The following APBB2 variants were observed in gnomAD, a reference collection of about 807,000 sequenced individuals.
APBB2 encodes the protein amyloid beta precursor protein binding family B member 2.
In APBB2, 38 loss-of-function variants were observed where a neutral mutation model predicts 82.5. That is an observed-to-expected ratio of 0.46 (90% CI 0.36 to 0.60). APBB2 has a LOEUF of 0.60. APBB2 is among the 20% of genes least tolerant of loss of function. The pLI is 0.00. For synonymous variants in APBB2, 341 were observed against 368.2 expected (o/e 0.93, Z 0.85); for missense variants, 772 against 972.3 (o/e 0.79, Z 2.74).
At chr4:40,893,641 G>A (rs1408797551) in intron 10 of APBB2, among the ~76,000 whole-genome samples, 1 of 152,104 alleles carries the variant, frequency 6.6e-6, no homozygotes, top group Non-Finnish European at 1.5e-5. Context: ...TTTGCCTGAT[G>A]TGTTCAGATT....
chr4:40,965,051 T>C (rs1794322815), intron 6 of APBB2, among the ~76,000 whole-genome samples: 1 of 149,752 alleles, frequency 6.7e-6, no homozygotes, highest in Non-Finnish European at 1.5e-5. Flanking sequence ...ACTCGGGAGG[T>C]GGAGGTTGCA....
chr4:41,138,475 A>G (rs749223613), intron 2 of APBB2, among the ~76,000 whole-genome samples: 39 of 151,018 alleles, frequency 2.6e-4, no homozygotes, highest in Non-Finnish European at 4.7e-4. Flanking sequence ...TGCAAATCAT[A>G]TATCCAATAA....
At chr4:41,056,187 AT>A (rs1560631869) in intron 4 of APBB2, among the ~76,000 whole-genome samples, 1 of 152,104 alleles carries the variant, frequency 6.6e-6, no homozygotes. Context: ...TCTCAAAAAA[AT>A]AAATAAATAA....
At chr4:41,050,507 A>G (rs957911083) in intron 4 of APBB2, among the ~76,000 whole-genome samples, 1 of 152,236 alleles carries the variant, frequency 6.6e-6, no homozygotes, top group Non-Finnish European at 1.5e-5. Flanking sequence ...GGACAGGGGT[A>G]GCCAAGACTT....
intron 12 of APBB2, among the ~76,000 whole-genome samples, chr4:40,851,736 ATATTTTTT>A (rs1360648159): frequency 4.1e-4 from 34 of 82,824 alleles, no homozygotes; most frequent in South Asian, 1.1e-3. Flanking sequence ...ATATATATAT[ATATTTTTT>A]TTTTTTTTTT....
At chr4:41,015,565 C>T (rs1469650525) in intron 5 of APBB2, among the ~76,000 whole-genome samples, 1 of 152,180 alleles carries the variant, frequency 6.6e-6, no homozygotes, top group African/African-American at 2.4e-5. Flanking sequence ...CTCTCCATCA[C>T]CAAATACTTA....
chr4:41,069,200 G>C (rs542276353), intron 3 of APBB2, among the ~76,000 whole-genome samples: 22 of 152,260 alleles, frequency 1.4e-4, no homozygotes, highest in African/African-American at 4.8e-4. Context: ...GAGAGTAAAG[G>C]CAAGAAGGAA....
intron 12 of APBB2, among the ~76,000 whole-genome samples, chr4:40,883,634 A>G (rs1048720047): frequency 1.3e-5 from 2 of 151,830 alleles, no homozygotes; most frequent in South Asian, 4.2e-4. Flanking sequence ...GAACAGTAGC[A>G]AGGCTAAGCC....
chr4:41,109,516 G>A (rs185355893), intron 2 of APBB2, among the ~76,000 whole-genome samples: 2 of 152,250 alleles, frequency 1.3e-5, no homozygotes, highest in East Asian at 1.9e-4. Context: ...TGTCACCCAG[G>A]CTGGAGTGCA....
intron 8 of APBB2, 77 bp downstream of exon 8, chr4:40,935,000 A>T: frequency 8.1e-7 from 1 of 1,241,918 alleles, no homozygotes; most frequent in Non-Finnish European, 1.1e-6. Context: ...GATATTCACA[A>T]AGAAGAAAAA....
intron 6 of APBB2, among the ~76,000 whole-genome samples, chr4:40,998,610 A>T (rs1204491704): frequency 6.6e-6 from 1 of 152,220 alleles, no homozygotes; most frequent in Non-Finnish European, 1.5e-5. Context: ...ATTTACTGAG[A>T]TACACTAAGG....
rs142471633 is a variant in APBB2, at chr4:40,833,275, G to T, written c.1530-2698C>A. Among the ~76,000 whole-genome samples the T allele has an allele frequency of 9.6e-3, 1,460 of 152,340 alleles. 23 individuals carry two copies. Among genetic ancestry groups the T allele is most frequent in the Non-Finnish European group, 0.015 (1,018 of 68,042 alleles). ...CCACACAAAGTCCAAAAACCTCTGGGTGGATTTTAAGAGTTCCAAAATTTG... is the reference window on the plus strand; with the variant it reads ...CCACACAAAGTCCAAAAACCTCTGGTTGGATTTTAAGAGTTCCAAAATTTG... On this transcript the variant is annotated intron_variant, in intron 12 of 17. Transcript: ENST00000508593.
chr4:41,112,477 C>T (rs898370031), intron 2 of APBB2, among the ~76,000 whole-genome samples: 10 of 152,230 alleles, frequency 6.6e-5, no homozygotes, highest in African/African-American at 2.4e-4. Flanking sequence ...GCACACTCTG[C>T]GTTCTACTCC....
At chr4:41,138,404 A>G (rs1450165637) in intron 2 of APBB2, among the ~76,000 whole-genome samples, 1 of 152,240 alleles carries the variant, frequency 6.6e-6, no homozygotes. Flanking sequence ...TAAAATTTAC[A>G]GTATTTCATT....
At chr4:40,840,109 AAGAC>A (rs1426153752) in intron 12 of APBB2, among the ~76,000 whole-genome samples, 1 of 152,232 alleles carries the variant, frequency 6.6e-6, no homozygotes, top group Non-Finnish European at 1.5e-5. Flanking sequence ...AAATAAGGAT[AAGAC>A]AGCAGCAAAC....
intron 2 of APBB2, among the ~76,000 whole-genome samples, chr4:41,125,698 A>C (rs1013769814): frequency 3.9e-5 from 6 of 152,192 alleles, no homozygotes; most frequent in African/African-American, 1.4e-4. Context: ...AAATTCAAAT[A>C]AATAGGCCAA....
Position 41,168,385 on chromosome 4 carries a change from A to T in APBB2, c.-416-25243T>A, listed in dbSNP as rs189408475. On this transcript the variant is annotated intron_variant, in intron 1 of 17. Coordinates refer to ENST00000508593, the MANE Select transcript of APBB2 (RefSeq NM_004307.2). Reference sequence around the variant, plus strand: ...TTTTTAATTATTTATTTATTTTTTTATTTTTTTCCTCAGACAAAGAGTCTC... The same window carrying T: ...TTTTTAATTATTTATTTATTTTTTTTTTTTTTTCCTCAGACAAAGAGTCTC... Among the ~76,000 whole-genome samples the T allele has an allele frequency of 3.8e-3, 574 of 150,798 alleles. 4 individuals carry two copies. The highest frequency in any genetic ancestry group is 0.013 in the African/African-American group (528 of 41,140).
In APBB2 at chr4:41,014,133, G is replaced by A. The variant is rs1057360281; in HGVS notation, c.285C>T (p.Ala95=). ...CCCCATTTTTCACCAGCTTGATGTTGGCAGAGCCATTTCCCAGCAGGGGCT... is the reference window on the plus strand; with the variant it reads ...CCCCATTTTTCACCAGCTTGATGTTAGCAGAGCCATTTCCCAGCAGGGGCT... ...AAQPLLGNGS[A]NIKLVKNGEN... Residue 95 remains alanine (A), a synonymous_variant, in exon 6 of 18, where the codon GCC becomes GCT. Coordinates refer to ENST00000508593, the MANE Select transcript of APBB2 (RefSeq NM_004307.2). 1 of 1,614,190 alleles carries A rather than the reference G, an allele frequency of 6.2e-7. No individual in the cohort carries two copies. Among genetic ancestry groups the A allele is most frequent in the Admixed American group, 1.7e-5 (1 of 60,022 alleles).
At chr4:41,099,499 T>G (rs1199237110) in intron 3 of APBB2, among the ~76,000 whole-genome samples, 1 of 152,124 alleles carries the variant, frequency 6.6e-6, no homozygotes, top group East Asian at 1.9e-4. Context: ...CCAAAATATT[T>G]ATTTTTTCAG....
Sources: gnomAD v4.1 joint callset for allele counts (sites outside exome capture counted in the v4.1 genomes callset) on GRCh38, gnomAD v4.1.1 for gene constraint, MANE v1.5 for transcripts, NCBI Gene and HGNC (gene_info 2026-07-23, HGNC 2026-07-21) for gene names.